Variants in RALGPS2 observed in about 807,000 individuals in gnomAD.
RALGPS2 encodes the protein ras-specific guanine nucleotide-releasing factor RalGPS2.
In RALGPS2, 43 loss-of-function variants were observed where a neutral mutation model predicts 86.8. The ratio of observed to expected loss-of-function variants is 0.50; its 90% confidence interval spans 0.39 to 0.64. The LOEUF (loss-of-function observed/expected upper bound fraction) is 0.64, where lower values mean the gene tolerates loss of function less well. Among genes scored for constraint, RALGPS2 ranks in the 30% least tolerant of loss-of-function variants. The pLI is 0.00. For missense variants in RALGPS2, 536 were observed against 694.6 expected (o/e 0.77, Z 2.57); for synonymous variants, 243 against 231.3 (o/e 1.05, Z -0.46).
At chr1:178,776,631 T>G in intron 1 of RALGPS2, 51 bp from the exon 2 acceptor site, 1 of 576,004 alleles carries the variant, frequency 1.7e-6, no homozygotes. Flanking sequence ...ATAGAGTTGT[T>G]TTCTTGAACT....
chr1:178,894,667 T>C, intron 16 of RALGPS2, among the ~76,000 whole-genome samples: 1 of 152,060 alleles, frequency 6.6e-6, no homozygotes, highest in East Asian at 1.9e-4. Context: ...TTCCAATAAA[T>C]ATTTTTAGAC....
chr1:178,815,209 T>A (rs1009411695), intron 6 of RALGPS2, among the ~76,000 whole-genome samples: 9 of 152,114 alleles, frequency 5.9e-5, no homozygotes, highest in Non-Finnish European at 1.3e-4. Context: ...GCCTCCCAAG[T>A]AGCTGGGATT....
intron 8 of RALGPS2, among the ~76,000 whole-genome samples, chr1:178,871,706 T>C (rs920582601): frequency 1.3e-5 from 2 of 152,184 alleles, no homozygotes; most frequent in Non-Finnish European, 2.9e-5. Context: ...TAATGTCATA[T>C]CCTCCTATTC....
chr1:178,803,093 A>G (rs1654558319), intron 4 of RALGPS2, among the ~76,000 whole-genome samples: 1 of 152,168 alleles, frequency 6.6e-6, no homozygotes. Flanking sequence ...GTGGGAGTGT[A>G]AATGATTCAG....
At chr1:178,848,758 G>T (rs1456109735) in intron 8 of RALGPS2, among the ~76,000 whole-genome samples, 1 of 151,988 alleles carries the variant, frequency 6.6e-6, no homozygotes, top group Non-Finnish European at 1.5e-5. Flanking sequence ...TCAGCCTCCC[G>T]AGTAGCTGGG....
chr1:178,883,226 C>A (rs1465722308), intron 10 of RALGPS2, among the ~76,000 whole-genome samples: 1 of 152,134 alleles, frequency 6.6e-6, no homozygotes, highest in Admixed American at 6.5e-5. Flanking sequence ...GTGGCTCATG[C>A]CTGTAATCCC....
intron 4 of RALGPS2, among the ~76,000 whole-genome samples, chr1:178,793,439 AGTGTT>A (rs1654053027): frequency 6.9e-6 from 1 of 144,658 alleles, no homozygotes; most frequent in African/African-American, 2.6e-5. Flanking sequence ...GGGGTCTCGC[AGTGTT>A]GCCCAGACTG....
intron 8 of RALGPS2, among the ~76,000 whole-genome samples, chr1:178,860,049 C>T (rs1239787288): frequency 6.6e-6 from 1 of 152,070 alleles, no homozygotes; most frequent in South Asian, 2.1e-4. Context: ...AACTGGACCC[C>T]AGAAAGCTTT....
At chr1:178,727,017 G>A (rs1409016861) in intron 1 of RALGPS2, among the ~76,000 whole-genome samples, 1 of 152,156 alleles carries the variant, frequency 6.6e-6, no homozygotes, top group Non-Finnish European at 1.5e-5. Context: ...TTTTAACAAA[G>A]ATAACCTCTA....
chr1:178,736,873 G>A (rs1389484376), intron 1 of RALGPS2, among the ~76,000 whole-genome samples: 1 of 152,032 alleles, frequency 6.6e-6, no homozygotes, highest in Non-Finnish European at 1.5e-5. Flanking sequence ...CTCCAGCCTG[G>A]GCAACAGAAG....
chr1:178,833,858 A>T (rs1392846118), intron 8 of RALGPS2, among the ~76,000 whole-genome samples: 1 of 152,142 alleles, frequency 6.6e-6, no homozygotes, highest in Non-Finnish European at 1.5e-5. Flanking sequence ...ATAGTTCGTA[A>T]TGATGTTTAA....
At chr1:178,785,875 C>T (rs543328826) in intron 4 of RALGPS2, among the ~76,000 whole-genome samples, 1 of 152,108 alleles carries the variant, frequency 6.6e-6, no homozygotes, top group East Asian at 1.9e-4. Flanking sequence ...CTTTCTATAA[C>T]TTTTGATTCC....
intron 1 of RALGPS2, among the ~76,000 whole-genome samples, chr1:178,762,227 A>AT (rs1652278969): frequency 6.6e-6 from 1 of 152,124 alleles, no homozygotes; most frequent in African/African-American, 2.4e-5. Flanking sequence ...TGATGTATAT[A>AT]TGCCATATTT....
chr1:178,743,054 A>G (rs950462836), intron 1 of RALGPS2, among the ~76,000 whole-genome samples: 1 of 152,142 alleles, frequency 6.6e-6, no homozygotes, highest in African/African-American at 2.4e-5. Context: ...TGTCTTTACA[A>G]ACATTTTTTT....
intron 2 of RALGPS2, 139 bp downstream of exon 2, chr1:178,776,960 T>G (rs1032965419): frequency 7.7e-6 from 5 of 653,232 alleles, no homozygotes; most frequent in Admixed American, 3.2e-5. Context: ...AAATTTTATT[T>G]TTTTTTATAC....
chr1:178,913,069 G>A (rs1318210254), intron 19 of RALGPS2, among the ~76,000 whole-genome samples: 2 of 152,092 alleles, frequency 1.3e-5, no homozygotes, highest in African/African-American at 4.8e-5. Context: ...ATCACTTGAG[G>A]TCAGGAGTTC....
At chr1:178,742,862 AAG>A (rs1265625444) in intron 1 of RALGPS2, among the ~76,000 whole-genome samples, 1 of 152,232 alleles carries the variant, frequency 6.6e-6, no homozygotes, top group Non-Finnish European at 1.5e-5. Flanking sequence ...TGGTTCAAGG[AAG>A]AGATCAAAAG....
intron 17 of RALGPS2, among the ~76,000 whole-genome samples, chr1:178,901,114 C>A (rs967848286): frequency 1.3e-5 from 2 of 152,000 alleles, no homozygotes; most frequent in Non-Finnish European, 2.9e-5. Context: ...GTGCCATGTT[C>A]ATTCTTTTTC....
chr1:178,811,418 G>A lies in RALGPS2; in HGVS notation c.387+14G>A, dbSNP rs763113767. On this transcript the variant is annotated intron_variant, in intron 6 of 19. Coordinates refer to ENST00000367635, the MANE Select transcript of RALGPS2 (RefSeq NM_152663.5). ...AAAACTGCTAAGGTAAGAAAAACTTGTGTTTTTATTTTTGAGTTCAACCAT... is the reference window on the plus strand; with the variant it reads ...AAAACTGCTAAGGTAAGAAAAACTTATGTTTTTATTTTTGAGTTCAACCAT... The A allele has an allele frequency of 6.7e-7, 1 of 1,489,546 alleles. No homozygotes were observed. The highest frequency in any genetic ancestry group is 9.0e-7 in the Non-Finnish European group (1 of 1,111,920). 92.3% of individuals were successfully genotyped at this position (1,489,546 alleles called of 1,614,324 possible).
Sources: gnomAD v4.1 joint callset for allele counts (sites outside exome capture counted in the v4.1 genomes callset) on GRCh38, gnomAD v4.1.1 for gene constraint, MANE v1.5 for transcripts, NCBI Gene and HGNC (gene_info 2026-07-23, HGNC 2026-07-21) for gene names.